ADGRL3: variants seen among roughly 807,000 people sequenced by gnomAD.
The protein encoded by ADGRL3 is calcium-independent alpha-latrotoxin receptor 3.
A neutral mutation model predicts 153.5 loss-of-function variants in ADGRL3; 62 were observed. The observed-to-expected ratio is 0.40, with a 90% CI of 0.33 to 0.50. ADGRL3 has a LOEUF of 0.50. ADGRL3 is among the 20% of genes least tolerant of loss of function. The pLI is 0.47. For synonymous variants in ADGRL3, 710 were observed against 672.5 expected (o/e 1.06, Z -0.86); for missense variants, 1,641 against 1,859.4 (o/e 0.88, Z 2.16).
intron 1 of ADGRL3, among the ~76,000 whole-genome samples, chr4:61,280,210 A>G (rs1287742132): frequency 6.7e-6 from 1 of 149,986 alleles, no homozygotes; most frequent in East Asian, 2.0e-4. Flanking sequence ...TCCAGGTCCA[A>G]GCGATTCTCC....
chr4:61,796,548 A>C (rs1337691164), intron 8 of ADGRL3, among the ~76,000 whole-genome samples: 2 of 152,200 alleles, frequency 1.3e-5, no homozygotes, highest in African/African-American at 4.8e-5. Context: ...CTGGCTGTAT[A>C]TATTATGTGG....
chr4:61,388,347 A>G (rs1451103359), intron 2 of ADGRL3, among the ~76,000 whole-genome samples: 2 of 152,182 alleles, frequency 1.3e-5, no homozygotes, highest in Non-Finnish European at 2.9e-5. Flanking sequence ...TTGAGCCTCA[A>G]AAGGAAAGAT....
At chr4:62,003,336 A>T (rs1463468507) in intron 21 of ADGRL3, among the ~76,000 whole-genome samples, 1 of 152,158 alleles carries the variant, frequency 6.6e-6, no homozygotes, top group Admixed American at 6.6e-5. Context: ...TTGCTTAAAG[A>T]TACACCTTTT....
intron 9 of ADGRL3, among the ~76,000 whole-genome samples, chr4:61,871,227 G>C (rs1372363561): frequency 6.6e-6 from 1 of 151,202 alleles, no homozygotes; most frequent in Non-Finnish European, 1.5e-5. Context: ...GCAGTGAGCA[G>C]AGATCGCACC....
intron 7 of ADGRL3, among the ~76,000 whole-genome samples, chr4:61,731,285 T>G (rs1319900614): frequency 6.6e-6 from 1 of 152,100 alleles, no homozygotes; most frequent in Non-Finnish European, 1.5e-5. Flanking sequence ...CTTTTCTTTT[T>G]GATAATCTCC....
intron 17 of ADGRL3, among the ~76,000 whole-genome samples, chr4:61,972,646 T>G (rs2099032985): frequency 6.6e-6 from 1 of 152,184 alleles, no homozygotes; most frequent in Non-Finnish European, 1.5e-5. Flanking sequence ...TTCAGGCTCT[T>G]TTTTGGTTCC....
At chr4:61,818,648 C>G (rs1247401288) in intron 9 of ADGRL3, among the ~76,000 whole-genome samples, 1 of 152,178 alleles carries the variant, frequency 6.6e-6, no homozygotes, top group Non-Finnish European at 1.5e-5. Context: ...AGATCCCAAC[C>G]ATATCAACCA....
chr4:61,572,140 C>A (rs539355004), intron 4 of ADGRL3, among the ~76,000 whole-genome samples: 1 of 151,982 alleles, frequency 6.6e-6, no homozygotes, highest in East Asian at 1.9e-4. Flanking sequence ...AATCCTTTTT[C>A]TTGGCAATAC....
chr4:61,934,840 G>T lies in ADGRL3; in HGVS notation c.2113G>T (p.Ala705Ser). ...RERSCRAYVQ[A>S]MVETVNNLLQ... The stretch of plus-strand genomic sequence containing the variant: ...TGTCATTCTTTTCATCCTCTTGTAG[G>T]CAATGGTCGAGACAGTTAACAACCT... The change falls in exon 14 of 27, where the codon GCA becomes TCA. Residue 705 changes from alanine (A) to serine (S), a missense_variant and splice_region_variant. Physicochemically the swap from Ala to Ser is moderately conservative, Grantham distance 99 (BLOSUM62 1). Transcript: ENST00000683033. 1 of 1,612,762 alleles carries T rather than the reference G, an allele frequency of 6.2e-7. No individual in the cohort carries two copies. The highest frequency in any genetic ancestry group is 8.5e-7 in the Non-Finnish European group (1 of 1,179,250).
At chr4:61,292,379 A>C (rs957068315) in intron 1 of ADGRL3, among the ~76,000 whole-genome samples, 1 of 152,174 alleles carries the variant, frequency 6.6e-6, no homozygotes, top group African/African-American at 2.4e-5. Flanking sequence ...TTTTGAGGCT[A>C]TAGTTGTGAA....
At chr4:61,357,547 G>A (rs762905575) in intron 1 of ADGRL3, among the ~76,000 whole-genome samples, 2 of 152,008 alleles carry the variant, frequency 1.3e-5, no homozygotes, top group Non-Finnish European at 2.9e-5. Context: ...ATATTCCTAC[G>A]TTGGCTTCCT....
intron 8 of ADGRL3, among the ~76,000 whole-genome samples, chr4:61,794,351 A>G (rs1042084002): frequency 2.6e-5 from 4 of 152,198 alleles, no homozygotes; most frequent in Non-Finnish European, 5.9e-5. Context: ...TGTTGTCTTT[A>G]GTATTTTTTT....
chr4:61,486,577 A>C (rs2152759596), intron 2 of ADGRL3, among the ~76,000 whole-genome samples: 1 of 152,330 alleles, frequency 6.6e-6, no homozygotes, highest in Admixed American at 6.5e-5. Context: ...AGTTAGAATT[A>C]GTATGAGAAA....
intron 5 of ADGRL3, among the ~76,000 whole-genome samples, chr4:61,603,561 T>G (rs1009761566): frequency 6.6e-6 from 1 of 152,154 alleles, no homozygotes; most frequent in African/African-American, 2.4e-5. Flanking sequence ...ACTGTAAGGC[T>G]AGAACCACGA....
chr4:61,356,684 A>C (rs1249986200), intron 1 of ADGRL3, among the ~76,000 whole-genome samples: 1 of 152,122 alleles, frequency 6.6e-6, no homozygotes, highest in Non-Finnish European at 1.5e-5. Flanking sequence ...GTTTGATTTA[A>C]ATTAAAAACA....
At chr4:61,969,844 C>A (rs1223744755) in intron 17 of ADGRL3, among the ~76,000 whole-genome samples, 1 of 152,128 alleles carries the variant, frequency 6.6e-6, no homozygotes, top group South Asian at 2.1e-4. Flanking sequence ...GATGCTTCAT[C>A]CATTCAACAC....
At chr4:61,871,001 G>T (rs555187545) in intron 9 of ADGRL3, among the ~76,000 whole-genome samples, 2 of 152,154 alleles carry the variant, frequency 1.3e-5, no homozygotes, top group African/African-American at 2.4e-5. Flanking sequence ...TACGGGGGCC[G>T]GGCACGGTGG....
chr4:62,071,363 G>A lies in ADGRL3; in HGVS notation c.*455G>A, dbSNP rs1745603761. ...ACAAACATAAGAGCAAAGCAAAACT[G>A]TATCACATAGGGTTTTTGGTCACTC... is the stretch of plus-strand genomic sequence containing the variant. On this transcript the variant is annotated 3_prime_UTR_variant, in exon 27 of 27. Coordinates refer to ENST00000683033, the MANE Select transcript of ADGRL3 (RefSeq NM_001387552.1). 1 of 167,120 alleles carries A rather than the reference G, an allele frequency of 6.0e-6. No individual in the cohort carries two copies. 10.4% of individuals were successfully genotyped at this position (167,120 alleles called of 1,614,324 possible). A position where few individuals can be genotyped will look rare whatever the true frequency, so the allele number is the denominator to read the frequency against.
chr4:61,304,528 G>A (rs990306124), intron 1 of ADGRL3, among the ~76,000 whole-genome samples: 6 of 152,198 alleles, frequency 3.9e-5, no homozygotes, highest in Non-Finnish European at 8.8e-5. Context: ...TTAACTGTGT[G>A]TGGAGGTTTT....
Sources: gnomAD v4.1 joint callset for allele counts (sites outside exome capture counted in the v4.1 genomes callset) on GRCh38, gnomAD v4.1.1 for gene constraint, MANE v1.5 for transcripts, NCBI Gene and HGNC (gene_info 2026-07-23, HGNC 2026-07-21) for gene names.